ADAM2: variants seen among roughly 807,000 people sequenced by gnomAD.
ADAM2 encodes the protein disintegrin and metalloproteinase domain-containing protein 2.
Under a neutral mutation model 99.3 loss-of-function variants are expected in ADAM2, and 101 were observed. The observed-to-expected ratio is 1.02, with a 90% CI of 0.87 to 1.20. ADAM2 has a LOEUF of 1.20. Among genes scored for constraint, ADAM2 ranks in the 50% most tolerant of loss-of-function variants. The probability of loss-of-function intolerance (pLI) is 0.00; values close to 1 mark genes in which losing one functional copy is unlikely to be tolerated. For missense variants in ADAM2, 948 were observed against 878.7 expected, an observed-to-expected ratio of 1.08 and a Z score of -1.00; for synonymous variants, 323 against 287.6, an observed-to-expected ratio of 1.12 and a Z score of -1.25.
chr8:39,753,815 ACACACACACACACACT>A, intron 16 of ADAM2, among the ~76,000 whole-genome samples: 1 of 151,482 alleles, frequency 6.6e-6, no homozygotes, highest in South Asian at 2.1e-4. Flanking sequence ...ACAACAAAAC[ACACACACACACACACT>A]CACACACACA....
At chr8:39,777,278 G>T in intron 10 of ADAM2, 117 bp from the exon 11 acceptor site, 1 of 723,774 alleles carries the variant, frequency 1.4e-6, no homozygotes, top group Non-Finnish European at 2.2e-6. Flanking sequence ...TATCCCAAAA[G>T]TGCCATCCTT....
At chr8:39,786,089 A>G (rs1239975341) in intron 10 of ADAM2, among the ~76,000 whole-genome samples, 1 of 152,202 alleles carries the variant, frequency 6.6e-6, no homozygotes, top group Non-Finnish European at 1.5e-5. Flanking sequence ...TCTCACTTAT[A>G]AGTGGGAGCT....
At chr8:39,750,736 T>C (rs1801899342) in intron 16 of ADAM2, among the ~76,000 whole-genome samples, 1 of 152,182 alleles carries the variant, frequency 6.6e-6, no homozygotes, top group South Asian at 2.1e-4. Flanking sequence ...CTGACTTGTT[T>C]AATTCTCTTG....
intron 16 of ADAM2, among the ~76,000 whole-genome samples, chr8:39,754,343 A>G (rs1033033079): frequency 1.3e-5 from 2 of 152,182 alleles, no homozygotes; most frequent in East Asian, 1.9e-4. Context: ...ATGGCACCCA[A>G]TAACTGCTCT....
chr8:39,837,075 T>G, intron 2 of ADAM2, 61 bp downstream of exon 2: 1 of 1,380,848 alleles, frequency 7.2e-7, no homozygotes, highest in Non-Finnish European at 1.0e-6. Context: ...GCAGATTAAC[T>G]TCTTAGAAAC....
In ADAM2 at chr8:39,777,065, G is replaced by A; in HGVS notation, c.988C>T (p.Gln330Ter). ...ATAATGCAGACAGCTCCTGAGCACT[G>A]GCATTTGTTAATGTCATCATAAGTG... ...GITYDDINKCQCSGAVCIMNP... is the reference protein window; with the variant it reads ...GITYDDINKC Residue 330 changes from glutamine to a stop codon, truncating the protein, a stop_gained, in exon 11 of 21, where the codon CAG (glutamine) becomes TAG (stop). Coordinates refer to ENST00000265708, the MANE Select transcript of ADAM2 (RefSeq NM_001464.5). LOFTEE classifies it high-confidence loss of function. 6.3e-7 allele frequency: 1 copy of A among 1,597,842 alleles called. No individual in the cohort carries two copies. Among genetic ancestry groups the A allele is most frequent in the Non-Finnish European group, 8.6e-7 (1 of 1,165,846 alleles).
chr8:39,827,127 A>G (rs1236270661), intron 3 of ADAM2, among the ~76,000 whole-genome samples: 1 of 152,188 alleles, frequency 6.6e-6, no homozygotes, highest in Non-Finnish European at 1.5e-5. Context: ...GAGGTATATG[A>G]AAAACTTCTC....
chr8:39,827,389 A>G (rs1586162172), intron 3 of ADAM2, among the ~76,000 whole-genome samples: 1 of 152,306 alleles, frequency 6.6e-6, no homozygotes, highest in Admixed American at 6.5e-5. Context: ...CTGGGCATAT[A>G]TCCAAAGCAA....
chr8:39,811,147 A>G (rs1032808345), intron 6 of ADAM2, among the ~76,000 whole-genome samples: 2 of 152,242 alleles, frequency 1.3e-5, no homozygotes, highest in African/African-American at 4.8e-5. Flanking sequence ...CCATCAGAGA[A>G]TACTATAAAC....
At chr8:39,785,849 A>G (rs1586097132) in intron 10 of ADAM2, among the ~76,000 whole-genome samples, 1 of 152,080 alleles carries the variant, frequency 6.6e-6, no homozygotes, top group East Asian at 1.9e-4. Flanking sequence ...TCTACCAAAA[A>G]GACACTGGCA....
chr8:39,772,358 G>A (rs1802818202), intron 11 of ADAM2, among the ~76,000 whole-genome samples: 1 of 152,006 alleles, frequency 6.6e-6, no homozygotes, highest in Admixed American at 6.6e-5. Context: ...CCTAAGATGA[G>A]CCATAAGTTC....
rs750464648 is a variant in ADAM2, at chr8:39,767,024, A to T, written c.1331T>A (p.Met444Lys). The T allele has an allele frequency of 6.2e-7, 1 of 1,613,910 alleles. No individual in the cohort carries two copies. The highest frequency in any genetic ancestry group is 1.7e-5 in the Admixed American group (1 of 60,002). Residue 444 changes from methionine (M) to lysine (K), a missense_variant, in exon 14 of 21, where the codon ATG becomes AAG. By Grantham distance (95) the Met-to-Lys change is moderately conservative (BLOSUM62 -1). Coordinates refer to ENST00000265708, the MANE Select transcript of ADAM2 (RefSeq NM_001464.5). The part of the protein sequence containing the change: ...ENCLFMSKER[M>K]CRPSFEECDL... ...GCATTCTTCAAAGGAAGGCCTACAC[A>T]TTCTTTCTTTTGACATAAACTGATG...
chr8:39,832,097 A>C (rs1242650925), intron 3 of ADAM2, among the ~76,000 whole-genome samples: 1 of 152,182 alleles, frequency 6.6e-6, no homozygotes, highest in Non-Finnish European at 1.5e-5. Flanking sequence ...GTTACTCTAA[A>C]TATCCTACTA....
chr8:39,824,322 C>T (rs192913381), intron 4 of ADAM2, among the ~76,000 whole-genome samples: 42 of 149,144 alleles, frequency 2.8e-4, no homozygotes, highest in African/African-American at 1.0e-3. Context: ...CTAATCCTGG[C>T]AATTTTATTC....
At position 39,743,823 on chromosome 8, in the gene ADAM2, T is replaced by C. The variant is rs1382542997; in HGVS notation, c.*272A>G. 1 of 152,168 alleles carries C rather than the reference T, an allele frequency of 6.6e-6. No individual in the cohort carries two copies. The highest frequency in any genetic ancestry group is 2.4e-5 in the African/African-American group (1 of 41,456). 9.4% of individuals were successfully genotyped at this position (152,168 alleles called of 1,614,324 possible). On this transcript the variant is annotated 3_prime_UTR_variant, in exon 21 of 21. Coordinates refer to ENST00000265708, the MANE Select transcript of ADAM2 (RefSeq NM_001464.5). ...ACCATGCCCCTACTGACAGAATTAGTGTCTACTAACCAACAGAAATAGCGT... is the reference window on the plus strand; with the variant it reads ...ACCATGCCCCTACTGACAGAATTAGCGTCTACTAACCAACAGAAATAGCGT...
intron 17 of ADAM2, 52 bp downstream of exon 17, chr8:39,749,615 C>G: frequency 6.6e-7 from 1 of 1,505,950 alleles, no homozygotes. Flanking sequence ...ATGCAGTTTC[C>G]TAAAATTAGG....
At chr8:39,774,277 A>G (rs1802901566) in intron 11 of ADAM2, among the ~76,000 whole-genome samples, 3 of 151,986 alleles carry the variant, frequency 2.0e-5, no homozygotes, top group South Asian at 2.1e-4. Flanking sequence ...GCCACACATC[A>G]AACTTTTGTT....
intron 6 of ADAM2, among the ~76,000 whole-genome samples, chr8:39,811,000 C>A (rs565142867): frequency 6.6e-6 from 1 of 152,026 alleles, no homozygotes; most frequent in South Asian, 2.1e-4. Flanking sequence ...AATCCAGGAG[C>A]TGGTTTTTTG....
intron 6 of ADAM2, among the ~76,000 whole-genome samples, chr8:39,811,778 C>T (rs1304025635): frequency 6.6e-6 from 1 of 152,162 alleles, no homozygotes; most frequent in African/African-American, 2.4e-5. Flanking sequence ...GGACGTATCT[C>T]AAAATAATAA....
Sources: allele counts gnomAD v4.1 joint callset (sites outside exome capture counted in the v4.1 genomes callset), GRCh38; gene constraint gnomAD v4.1.1; transcripts MANE v1.5; gene names NCBI Gene and HGNC (gene_info 2026-07-23, HGNC 2026-07-21).